The following EWSR1 variants were observed in gnomAD, a reference collection of about 807,000 sequenced individuals.
EWSR1 encodes EWS RNA binding protein 1, also known as RNA-binding protein EWS.
A neutral mutation model predicts 92.1 loss-of-function variants in EWSR1; 14 were observed. That is an observed-to-expected ratio of 0.15 (90% CI 0.10 to 0.24). EWSR1 has a LOEUF of 0.24. Among genes scored for constraint, EWSR1 ranks in the 10% least tolerant of loss-of-function variants. The pLI is 1.00. For missense variants in EWSR1, 637 were observed against 870.9 expected, an observed-to-expected ratio of 0.73 and a Z score of 3.38; for synonymous variants, 303 against 292.9, an observed-to-expected ratio of 1.03 and a Z score of -0.35.
chr22:29,297,016 C>T lies in EWSR1; in HGVS notation c.1294+648C>T, dbSNP rs116758124. Among the ~76,000 whole-genome samples the T allele has an allele frequency of 3.0e-3, 452 of 152,314 alleles. 2 individuals are homozygous for T. Among genetic ancestry groups the T allele is most frequent in the African/African-American group, 0.011 (439 of 41,578 alleles). On this transcript the variant is annotated intron_variant, in intron 12 of 16. Coordinates refer to ENST00000397938, the MANE Select transcript of EWSR1 (RefSeq NM_005243.4). ...AGTGAGCTGAGATTGCACCACTGCA[C>T]TCCAACCTGGGCAACGGAGCAAGAC...
Position 29,288,741 on chromosome 22 carries a change from G to A in EWSR1, c.929G>A (p.Gly310Glu). Residue 310 changes from glycine (G) to glutamate (E), a missense_variant, in exon 8 of 17, where the codon GGA becomes GAA. Transcript: ENST00000397938. The part of the protein sequence containing the change: ...RGRGRGGFDR[G>E]GMSRGGRGGG... ...AGGGGAAGAGGGGGATTTGATCGTG[G>A]AGGCATGAGCAGAGGTGGGCGGGGA... The A allele has an allele frequency of 6.2e-7, 1 of 1,613,828 alleles. No homozygotes were observed. Among genetic ancestry groups the A allele is most frequent in the Non-Finnish European group, 8.5e-7 (1 of 1,179,808 alleles).
chr22:29,274,434 C>T (rs1172799004), intron 4 of EWSR1: 4 of 753,288 alleles, frequency 5.3e-6, no homozygotes, highest in Non-Finnish European at 9.3e-6. Flanking sequence ...CTTCAGGTGC[C>T]ATTTGCAGAT....
chr22:29,279,003 A>G (rs985901021), intron 5 of EWSR1, among the ~76,000 whole-genome samples: 1 of 152,078 alleles, frequency 6.6e-6, no homozygotes, highest in Admixed American at 6.6e-5. Flanking sequence ...TCAAAAAAAA[A>G]AAAAAGTGAA....
intron 11 of EWSR1, chr22:29,295,545 C>T (rs567509192): frequency 1.3e-4 from 28 of 220,290 alleles, no homozygotes; most frequent in African/African-American, 6.0e-4. Context: ...TATCACGTTC[C>T]TTTTTTTAAG....
intron 4 of EWSR1, chr22:29,275,935 GTTTTT>G (rs71322634): frequency 4.8e-6 from 1 of 208,314 alleles, no homozygotes; most frequent in Non-Finnish European, 9.5e-6. Context: ...TTGTTTTTTT[GTTTTT>G]TTTTTGGTCA....
At chr22:29,281,081 G>T (rs1285582043) in intron 5 of EWSR1, among the ~76,000 whole-genome samples, 3 of 151,578 alleles carry the variant, frequency 2.0e-5, no homozygotes, top group African/African-American at 7.3e-5. Flanking sequence ...GGGTTTCACT[G>T]TGTTTGCCAG....
At chr22:29,294,593 A>G (rs1169832527) in intron 11 of EWSR1, among the ~76,000 whole-genome samples, 1 of 124,932 alleles carries the variant, frequency 8.0e-6, no homozygotes, top group African/African-American at 3.2e-5. Context: ...TGACTGAGTG[A>G]GACTCCGCCT....
In EWSR1 at chr22:29,298,014, CTTGA is replaced by C. The variant is rs528810388; in HGVS notation, c.1417+68_1417+71del. On this transcript the variant is annotated intron_variant, in intron 13 of 16. Coordinates refer to ENST00000397938, the MANE Select transcript of EWSR1 (RefSeq NM_005243.4). ...CAGTACACTTCATACCCTTGAGAAA[CTTGA>C]TTATTAGAGTGAAGAAATATAAAAT... 7.5e-3 allele frequency: 11,350 copies of C among 1,512,236 alleles called. 62 individuals carry two copies. Among genetic ancestry groups the C allele is most frequent in the Non-Finnish European group, 8.5e-3 (9,523 of 1,118,140 alleles). 93.7% of individuals were successfully genotyped at this position (1,512,236 alleles called of 1,614,324 possible).
Position 29,288,510 on chromosome 22 carries a change from G to GC in EWSR1, c.794-94dup, listed in dbSNP as rs1288225526. 3.0e-5 allele frequency: 37 copies of GC among 1,238,364 alleles called. 1 individual carries two copies. In the South Asian group the frequency reaches 5.4e-4, roughly 18 times the overall value. The allele number at this position is 1,238,364 out of a possible 1,614,324, so 76.7% of individuals were successfully genotyped here. A position where few individuals can be genotyped will look rare whatever the true frequency, so the allele number is the denominator to read the frequency against. ...TAAAGAAGATGGTGCCTTGGTTAGT[G>GC]CCTTGGAATTGAGGATTTTGTGATT... is the stretch of plus-strand genomic sequence containing the variant. On this transcript the variant is annotated intron_variant, in intron 7 of 16. Coordinates refer to ENST00000397938, the MANE Select transcript of EWSR1 (RefSeq NM_005243.4).
Position 29,299,844 on chromosome 22 carries a change from A to G in EWSR1, c.1924A>G (p.Met642Val). 3.2e-6 allele frequency: 5 copies of G among 1,544,164 alleles called. No individual in the cohort carries two copies. The highest frequency in any genetic ancestry group is 3.5e-6 in the Non-Finnish European group (4 of 1,143,186). ...RRGGRGGPGK[M>V]DKGEHRQERR... ...AGGAGGACGTGGAGGACCTGGAAAA[A>G]TGGATAAGTAAGTGCTGGTGAAAAG... The change falls in exon 16 of 17, where the codon ATG becomes GTG. Residue 642 changes from methionine (M) to valine (V), a missense_variant. Physicochemically the swap from Met to Val is conservative, Grantham distance 21 (BLOSUM62 1). Transcript: ENST00000397938.
Position 29,300,358 on chromosome 22 carries a change from TC to T in EWSR1, c.*199del, listed in dbSNP as rs2061254064. ...GGTAGTGTGCGGAGTTTTTTTTTCTTCCTTCTTTTAAAAATGGTTGTTTAAG... is the reference window on the plus strand; with the variant it reads ...GGTAGTGTGCGGAGTTTTTTTTTCTTCTTCTTTTAAAAATGGTTGTTTAAG... On this transcript the variant is annotated 3_prime_UTR_variant, in exon 17 of 17. Coordinates refer to ENST00000397938, the MANE Select transcript of EWSR1 (RefSeq NM_005243.4). 2.6e-5 allele frequency: 14 copies of T among 539,472 alleles called. No homozygotes were observed. The Admixed American group carries it at 3.5e-4, about 14-fold the overall frequency. The allele number at this position is 539,472 out of a possible 1,614,324, so 33.4% of individuals were successfully genotyped here. A position where few individuals can be genotyped will look rare whatever the true frequency, so the allele number is the denominator to read the frequency against.
chr22:29,291,233 A>G (rs1455336964), intron 8 of EWSR1: 2 of 323,764 alleles, frequency 6.2e-6, no homozygotes, highest in Non-Finnish European at 1.1e-5. Flanking sequence ...CCTCCCCTCT[A>G]TACCAAGCTC....
chr22:29,278,224 C>T lies in EWSR1; in HGVS notation c.413+8C>T. ...AGCCACTGCACCTACAAGGTAAGGC[C>T]ATGGTGTCCTTAATGCGTCAGTCTT... On this transcript the variant is annotated splice_region_variant and intron_variant, in intron 5 of 16. Coordinates refer to ENST00000397938, the MANE Select transcript of EWSR1 (RefSeq NM_005243.4). 1 of 1,612,636 alleles carries T rather than the reference C, an allele frequency of 6.2e-7. No homozygotes were observed. Among genetic ancestry groups the T allele is most frequent in the Non-Finnish European group, 8.5e-7 (1 of 1,179,028 alleles).
At chr22:29,291,455 G>T in intron 8 of EWSR1, 107 bp from the exon 9 acceptor site, 1 of 1,023,190 alleles carries the variant, frequency 9.8e-7, no homozygotes, top group Non-Finnish European at 1.4e-6. Flanking sequence ...TGCATTGTTT[G>T]GAGATGTGTT....
chr22:29,298,953 C>T (rs1312101586), intron 14 of EWSR1, 58 bp downstream of exon 14: 3 of 1,483,140 alleles, frequency 2.0e-6, no homozygotes, highest in East Asian at 2.3e-5. Context: ...TTCCCTCACC[C>T]CATCCCCACT....
At chr22:29,285,745 T>C (rs2059975754) in intron 6 of EWSR1, among the ~76,000 whole-genome samples, 1 of 151,470 alleles carries the variant, frequency 6.6e-6, no homozygotes, top group Admixed American at 6.5e-5. Flanking sequence ...CCCATTTCAC[T>C]GGGTCAGCCT....
At position 29,292,695 on chromosome 22, in the gene EWSR1, T is replaced by G. The variant is rs2060524992; in HGVS notation, c.1164+89T>G. 3 of 807,426 alleles carry G rather than the reference T, an allele frequency of 3.7e-6. No homozygotes were observed. In the East Asian group the frequency reaches 7.5e-5, roughly 20 times the overall value. 50.0% of individuals were successfully genotyped at this position (807,426 alleles called of 1,614,324 possible). On this transcript the variant is annotated intron_variant, in intron 11 of 16. Transcript: ENST00000397938. The stretch of plus-strand genomic sequence containing the variant: ...TGAATTGATGTTGAGAGTTGTTTTC[T>G]AAGGTTGCCTTTGCCTGACTTCTTT...
chr22:29,277,889 C>G (rs1165436683), intron 4 of EWSR1, 141 bp from the exon 5 acceptor site: 1 of 696,940 alleles, frequency 1.4e-6, no homozygotes, highest in African/African-American at 1.8e-5. Flanking sequence ...TTTGTTGCTA[C>G]TCTTGCGGAA....
intron 1 of EWSR1, among the ~76,000 whole-genome samples, chr22:29,271,562 C>T (rs1278621482): frequency 2.0e-5 from 3 of 152,176 alleles, no homozygotes; most frequent in Admixed American, 6.5e-5. Context: ...TGCCAGTCTT[C>T]AGGGTTCTGC....
Sources: gnomAD v4.1 joint callset for allele counts (sites outside exome capture counted in the v4.1 genomes callset) on GRCh38, gnomAD v4.1.1 for gene constraint, MANE v1.5 for transcripts, NCBI Gene and HGNC (gene_info 2026-07-23, HGNC 2026-07-21) for gene names.